The following APLF variants were observed in gnomAD, a reference collection of about 807,000 sequenced individuals.
The protein encoded by APLF is aprataxin and PNKP like factor, also known as aprataxin and PNK-like factor.
A neutral mutation model predicts 55.6 loss-of-function variants in APLF; 61 were observed. The observed-to-expected ratio is 1.10, with a 90% CI of 0.89 to 1.36. APLF has a LOEUF of 1.36. Ranked by LOEUF, APLF falls within the 40% of genes most tolerant of loss-of-function variation. The pLI is 0.00. For missense variants in APLF, 611 were observed against 602.5 expected, an observed-to-expected ratio of 1.01 and a Z score of -0.15; for synonymous variants, 207 against 214.8, an observed-to-expected ratio of 0.96 and a Z score of 0.32.
At chr2:68,501,932 A>G (rs1323819386) in intron 2 of APLF, among the ~76,000 whole-genome samples, 1 of 152,156 alleles carries the variant, frequency 6.6e-6, no homozygotes, top group African/African-American at 2.4e-5. Context: ...CCATTCTGGA[A>G]GCTGGGAAGT....
intron 2 of APLF, among the ~76,000 whole-genome samples, chr2:68,500,811 C>T (rs907093781): frequency 6.6e-6 from 1 of 152,130 alleles, no homozygotes; most frequent in Non-Finnish European, 1.5e-5. Context: ...ATACAGGGCA[C>T]GATTCCCAAG....
intron 5 of APLF, 76 bp downstream of exon 5, chr2:68,513,756 C>A: frequency 6.6e-7 from 1 of 1,515,364 alleles, no homozygotes; most frequent in Non-Finnish European, 9.0e-7. Flanking sequence ...TGAAGAAAAA[C>A]TATAAACTAG....
intron 6 of APLF, among the ~76,000 whole-genome samples, chr2:68,536,147 G>A (rs1163001135): frequency 6.6e-6 from 1 of 152,116 alleles, no homozygotes; most frequent in Non-Finnish European, 1.5e-5. Context: ...TCCTGGAGTT[G>A]GGGGGTTGAG....
rs978384682 is a variant in APLF at position 68,550,645 on chromosome 2, G to A, written c.1286+5333G>A. Among the ~76,000 whole-genome samples, 4 of 150,708 alleles carry A rather than the reference G, an allele frequency of 2.7e-5. No individual in the cohort carries two copies. In the East Asian group the frequency reaches 7.7e-4, roughly 29 times the overall value. ...ATTCTCCTCTTTTTGACTTATTTTG[G>A]ATTAAATGTTTTTCATTCTGTTTTT... On this transcript the variant is annotated intron_variant, in intron 8 of 9. Coordinates refer to ENST00000303795, the MANE Select transcript of APLF (RefSeq NM_173545.3).
intron 9 of APLF, among the ~76,000 whole-genome samples, chr2:68,576,863 G>T (rs1040562624): frequency 1.3e-5 from 2 of 152,108 alleles, no homozygotes; most frequent in African/African-American, 4.8e-5. Context: ...GTTCATTAGG[G>T]ACTGTCCTCT....
chr2:68,471,919 G>T (rs889752161), intron 1 of APLF, among the ~76,000 whole-genome samples: 1 of 152,156 alleles, frequency 6.6e-6, no homozygotes, highest in Non-Finnish European at 1.5e-5. Context: ...TCAGGGTACA[G>T]CTTGGTTTTT....
intron 9 of APLF, among the ~76,000 whole-genome samples, chr2:68,575,800 G>A (rs1355804229): frequency 1.3e-5 from 2 of 152,134 alleles, no homozygotes; most frequent in Non-Finnish European, 2.9e-5. Context: ...TTATGTTCTG[G>A]AAATGTTATA....
intron 5 of APLF, among the ~76,000 whole-genome samples, chr2:68,518,788 AAAT>A (rs1413881870): frequency 1.8e-5 from 1 of 56,776 alleles, no homozygotes; most frequent in African/African-American, 7.6e-5. Flanking sequence ...TTATATAATA[AAAT>A]ATTAATAATC....
chr2:68,558,992 T>A (rs1021829633), intron 8 of APLF, among the ~76,000 whole-genome samples: 7 of 152,224 alleles, frequency 4.6e-5, no homozygotes, highest in Non-Finnish European at 1.5e-5. Flanking sequence ...AAACTATTAT[T>A]CTGTTGTTGC....
Position 68,467,806 on chromosome 2 carries a change from C to A in APLF, c.75C>A (p.Ile25=). ...RVALAPGETV[I]GRGPLLGITD... ...CCCTGGCGCCCGGGGAGACGGTGAT[C>A]GGCCGCGGGCCGCTGCTGGGAGTAA... The change falls in exon 1 of 10, where the codon ATC becomes ATA. Residue 25 remains isoleucine (I), a synonymous_variant. Coordinates refer to ENST00000303795, the MANE Select transcript of APLF (RefSeq NM_173545.3). 1 of 1,233,662 alleles carries A rather than the reference C, an allele frequency of 8.1e-7. No homozygotes were observed. The highest frequency in any genetic ancestry group is 1.0e-6 in the Non-Finnish European group (1 of 988,124). The allele number at this position is 1,233,662 out of a possible 1,614,324, so 76.4% of individuals were successfully genotyped here. A position where few individuals can be genotyped will look rare whatever the true frequency, so the allele number is the denominator to read the frequency against.
chr2:68,514,397 G>A (rs1669514932), intron 5 of APLF, among the ~76,000 whole-genome samples: 1 of 151,676 alleles, frequency 6.6e-6, no homozygotes. Context: ...CATTGTAGAG[G>A]CTCTTGATTT....
chr2:68,473,017 A>T (rs781049902), intron 1 of APLF, among the ~76,000 whole-genome samples: 4 of 152,286 alleles, frequency 2.6e-5, no homozygotes, highest in African/African-American at 9.6e-5. Flanking sequence ...CCACATTGAC[A>T]TGTCATTATC....
In APLF at chr2:68,578,079, A is replaced by G; in HGVS notation, c.*57A>G. The G allele has an allele frequency of 1.3e-6, 2 of 1,556,028 alleles. No individual in the cohort carries two copies. Among genetic ancestry groups the G allele is most frequent in the East Asian group, 2.4e-5 (1 of 42,260 alleles). On this transcript the variant is annotated 3_prime_UTR_variant, in exon 10 of 10. Transcript: ENST00000303795. The stretch of plus-strand genomic sequence containing the variant: ...ATTTACTTTTTCTTTGTGGGAAAAC[A>G]TTTATGAACTAAGGAGGTACTTAAG...
At chr2:68,574,993 G>A (rs1671583082) in intron 9 of APLF, among the ~76,000 whole-genome samples, 1 of 152,152 alleles carries the variant, frequency 6.6e-6, no homozygotes, top group Non-Finnish European at 1.5e-5. Flanking sequence ...CTGAGCTAAG[G>A]ACACAGTAGA....
chr2:68,577,767 A>T (rs1399958455), intron 9 of APLF, 53 bp from the exon 10 acceptor site: 2 of 1,591,116 alleles, frequency 1.3e-6, no homozygotes, highest in Non-Finnish European at 1.7e-6. Flanking sequence ...GATGTCTGTC[A>T]TCCCAGGTTG....
intron 2 of APLF, among the ~76,000 whole-genome samples, chr2:68,490,621 T>A (rs948528574): frequency 3.9e-5 from 6 of 152,212 alleles, no homozygotes; most frequent in African/African-American, 1.4e-4. Flanking sequence ...GTTATAGGGT[T>A]ATATTTTAAC....
intron 5 of APLF, among the ~76,000 whole-genome samples, chr2:68,516,059 A>G (rs540853084): frequency 1.3e-5 from 2 of 151,860 alleles, no homozygotes; most frequent in African/African-American, 4.8e-5. Context: ...AACTGTGGTT[A>G]TTGGTCTTTA....
rs114624928 is a variant in APLF at position 68,561,170 on chromosome 2, A to G, written c.1287-6171A>G. Among the ~76,000 whole-genome samples, 1,187 of 152,260 alleles carry G rather than the reference A, an allele frequency of 7.8e-3. 15 individuals are homozygous for G. Among genetic ancestry groups the G allele is most frequent in the African/African-American group, 0.027 (1,132 of 41,556 alleles). On this transcript the variant is annotated intron_variant, in intron 8 of 9. Coordinates refer to ENST00000303795, the MANE Select transcript of APLF (RefSeq NM_173545.3). ...ATTTTTATGTCTATCTGAATAACTGATATCTCTAAAATGCTTAATAGCATG... is the reference window on the plus strand; with the variant it reads ...ATTTTTATGTCTATCTGAATAACTGGTATCTCTAAAATGCTTAATAGCATG...
intron 8 of APLF, among the ~76,000 whole-genome samples, chr2:68,551,560 C>T (rs1670860779): frequency 1.3e-5 from 2 of 148,928 alleles, no homozygotes; most frequent in East Asian, 3.9e-4. Flanking sequence ...ATTTCAGATA[C>T]TGTATTTTCC....
Sources: gnomAD v4.1 joint callset for allele counts (sites outside exome capture counted in the v4.1 genomes callset) on GRCh38, gnomAD v4.1.1 for gene constraint, MANE v1.5 for transcripts, NCBI Gene and HGNC (gene_info 2026-07-23, HGNC 2026-07-21) for gene names.